DENND6A: variants seen among roughly 807,000 people sequenced by gnomAD.
The protein encoded by DENND6A is protein DENND6A.
In DENND6A, 43 loss-of-function variants were observed where a neutral mutation model predicts 95.5. The observed-to-expected ratio is 0.45, with a 90% CI of 0.35 to 0.58. The LOEUF is 0.58. Among genes scored for constraint, DENND6A ranks in the 20% least tolerant of loss-of-function variants. DENND6A has a pLI of 0.00. For synonymous variants in DENND6A, 257 were observed against 260.4 expected, an observed-to-expected ratio of 0.99 and a Z score of 0.13; for missense variants, 574 against 736.0, an observed-to-expected ratio of 0.78 and a Z score of 2.55.
At chr3:57,663,497 TAC>T (rs1553742683) in intron 5 of DENND6A, 137 bp downstream of exon 5, 30 of 149,878 alleles carry the variant, frequency 2.0e-4, no homozygotes, top group Admixed American at 3.5e-4. Flanking sequence ...AATATATATA[TAC>T]ACACACACAC....
chr3:57,647,842 G>A (rs1001509816), intron 9 of DENND6A, among the ~76,000 whole-genome samples: 1 of 149,312 alleles, frequency 6.7e-6, no homozygotes, highest in Admixed American at 6.7e-5. Context: ...GAGACAGGAG[G>A]GTATCCATGG....
intron 18 of DENND6A, among the ~76,000 whole-genome samples, 181 bp from the exon 19 acceptor site, chr3:57,629,066 A>T (rs1405128028): frequency 6.6e-6 from 1 of 152,214 alleles, no homozygotes; most frequent in African/African-American, 2.4e-5. Flanking sequence ...CTGTTAGATA[A>T]TTTTCTGCAT....
intron 1 of DENND6A, among the ~76,000 whole-genome samples, chr3:57,680,442 G>A (rs541682430): frequency 9.3e-4 from 140 of 151,150 alleles, no homozygotes; most frequent in Admixed American, 1.6e-3. Flanking sequence ...AAAGAGACCC[G>A]AGAGCTAGCT....
chr3:57,679,798 T>C (rs372570538), intron 1 of DENND6A, among the ~76,000 whole-genome samples: 254 of 152,318 alleles, frequency 1.7e-3, no homozygotes, highest in African/African-American at 5.7e-3. Context: ...GGAGAATTTT[T>C]AACCTTGAAT....
At chr3:57,651,283 C>G (rs560030236) in intron 9 of DENND6A, among the ~76,000 whole-genome samples, 2 of 152,182 alleles carry the variant, frequency 1.3e-5, no homozygotes, top group Non-Finnish European at 2.9e-5. Context: ...TTTCAACTTA[C>G]AATTTGCAAA....
intron 9 of DENND6A, among the ~76,000 whole-genome samples, chr3:57,648,619 C>A (rs1056030428): frequency 6.6e-6 from 1 of 152,178 alleles, no homozygotes; most frequent in Non-Finnish European, 1.5e-5. Flanking sequence ...TCAAACTACA[C>A]TGTAAAGCCA....
In DENND6A at chr3:57,625,740, G is replaced by T. The variant is rs2070514414; in HGVS notation, c.*2474C>A. 6.6e-6 allele frequency: 1 copy of T among 152,362 alleles called. No individual in the cohort carries two copies. The allele number at this position is 152,362 out of a possible 1,614,324, so 9.4% of individuals were successfully genotyped here. On this transcript the variant is annotated 3_prime_UTR_variant, in exon 20 of 20. Coordinates refer to ENST00000311128, the MANE Select transcript of DENND6A (RefSeq NM_152678.3). ...TTTACATCATTTTTACAAGTACATA[G>T]TTTGAAATTAAGAGATAAACTAGGT... is the stretch of plus-strand genomic sequence containing the variant.
At chr3:57,652,005 C>CT (rs1420361070) in intron 9 of DENND6A, among the ~76,000 whole-genome samples, 3 of 151,954 alleles carry the variant, frequency 2.0e-5, no homozygotes, top group Non-Finnish European at 4.4e-5. Flanking sequence ...TAAGACTGGC[C>CT]TGGGTAACAT....
At chr3:57,642,313 CAAAAAAAAAAAAA>C (rs10681174) in intron 11 of DENND6A, among the ~76,000 whole-genome samples, 7 of 67,564 alleles carry the variant, frequency 1.0e-4, no homozygotes, top group African/African-American at 1.5e-4. Flanking sequence ...GACTCTGTCT[CAAAAAAAAAAAAA>C]AAAAAAAAGC....
rs555147752 is a variant in DENND6A at position 57,669,119 on chromosome 3, G to A, written c.320-2884C>T. On this transcript the variant is annotated intron_variant, in intron 3 of 19. Transcript: ENST00000311128. ...ATTCCTGATCTCAAGTTATCTGTCC[G>A]CCTCAGCCTCCCAAAGTCCTGAGAT... Among the ~76,000 whole-genome samples the A allele has an allele frequency of 3.7e-4, 57 of 152,132 alleles. 1 individual carries two copies. Among genetic ancestry groups the A allele is most frequent in the South Asian group, 8.3e-4 (4 of 4,820 alleles).
At chr3:57,640,275 A>C (rs1296632019) in intron 12 of DENND6A, among the ~76,000 whole-genome samples, 2 of 146,426 alleles carry the variant, frequency 1.4e-5, no homozygotes, top group Non-Finnish European at 3.0e-5. Context: ...TCTCAAAAAA[A>C]AAAAACAAAA....
chr3:57,691,680 AAAAAAAAAAAAAACC>A (rs1400582842), intron 1 of DENND6A, among the ~76,000 whole-genome samples: 1 of 151,344 alleles, frequency 6.6e-6, no homozygotes, highest in Non-Finnish European at 1.5e-5. Context: ...AAAAAAAAAA[AAAAAAAAAAAAAACC>A]AAAACCAAAA....
chr3:57,638,566 G>A (rs1575819147), intron 12 of DENND6A, among the ~76,000 whole-genome samples: 1 of 152,246 alleles, frequency 6.6e-6, no homozygotes, highest in Middle Eastern at 3.4e-3. Flanking sequence ...GCTAAGGCAG[G>A]AGAATTGCTT....
intron 14 of DENND6A, 69 bp from the exon 15 acceptor site, chr3:57,633,423 T>A (rs2070727509): frequency 1.6e-6 from 2 of 1,245,740 alleles, no homozygotes; most frequent in East Asian, 4.7e-5. Context: ...AACTATCAGA[T>A]TCAATTGCTA....
At chr3:57,683,268 C>T (rs1212230434) in intron 1 of DENND6A, among the ~76,000 whole-genome samples, 2 of 152,150 alleles carry the variant, frequency 1.3e-5, no homozygotes, top group Non-Finnish European at 2.9e-5. Flanking sequence ...GTAATTATTT[C>T]ATTATTTCAG....
chr3:57,665,935 T>C (rs2071518968), intron 4 of DENND6A, 188 bp downstream of exon 4: 2 of 498,962 alleles, frequency 4.0e-6, no homozygotes, highest in South Asian at 3.3e-5. Context: ...TCAAACATAG[T>C]AACTGTATAA....
At chr3:57,689,236 A>G (rs1053458176) in intron 1 of DENND6A, among the ~76,000 whole-genome samples, 2 of 151,940 alleles carry the variant, frequency 1.3e-5, no homozygotes, top group Non-Finnish European at 1.5e-5. Context: ...TACAGGCATG[A>G]GCCGCCATGC....
chr3:57,641,735 T>C lies in DENND6A; in HGVS notation c.1050A>G (p.Ile350Met). The change falls in exon 12 of 20, where the codon ATA becomes ATG. Residue 350 changes from isoleucine to methionine, a missense_variant. Around this residue, in one of 2 missense-constraint regions of DENND6A, gnomAD observed 452 missense variants for 630.9 expected, o/e 0.72. Transcript: ENST00000311128. ...TTRTQAPPSV[I>M]LGVTNPFFAK... The stretch of plus-strand genomic sequence containing the variant: ...CAAAAAAAGGGTTGGTTACTCCTAA[T>C]ATAACTGAGGGCCTATAAAAAACAA... The C allele has an allele frequency of 6.2e-7, 1 of 1,613,088 alleles. No individual in the cohort carries two copies. The highest frequency in any genetic ancestry group is 1.7e-4 in the Middle Eastern group (1 of 6,058).
At position 57,645,767 on chromosome 3, in the gene DENND6A, G is replaced by C. The variant is rs201067327; in HGVS notation, c.942-11C>G. On this transcript the variant is annotated splice_polypyrimidine_tract_variant and intron_variant, in intron 10 of 19. Coordinates refer to ENST00000311128, the MANE Select transcript of DENND6A (RefSeq NM_152678.3). ...AATGGAGAAATACAGCTGTGGAGCAGGAAGAACATGTAAAATAAAGGACAC... is the reference window on the plus strand; with the variant it reads ...AATGGAGAAATACAGCTGTGGAGCACGAAGAACATGTAAAATAAAGGACAC... The C allele has an allele frequency of 1.3e-6, 2 of 1,592,040 alleles. No homozygotes were observed. The highest frequency in any genetic ancestry group is 2.2e-5 in the East Asian group (1 of 44,628).
Sources: gnomAD v4.1 joint callset for allele counts (sites outside exome capture counted in the v4.1 genomes callset) on GRCh38, gnomAD v4.1.1 for gene constraint, gnomAD v4.1.1 regional missense constraint, MANE v1.5 for transcripts, NCBI Gene and HGNC (gene_info 2026-07-23, HGNC 2026-07-21) for gene names.